ENTPD1: variants seen among roughly 807,000 people sequenced by gnomAD.
ENTPD1 encodes the protein ATP diphosphohydrolase.
ENTPD1 carries 33 observed loss-of-function variants against 57.0 expected under a neutral mutation model. That is an observed-to-expected ratio of 0.58 (90% CI 0.44 to 0.77). The LOEUF is 0.77. ENTPD1 is among the 30% of genes least tolerant of loss of function. The pLI is 0.00. For synonymous variants in ENTPD1, 202 were observed against 218.8 expected (o/e 0.92, Z 0.68); for missense variants, 501 against 603.4 (o/e 0.83, Z 1.78).
At chr10:95,817,609 C>T (rs1427327328) in intron 1 of ENTPD1, among the ~76,000 whole-genome samples, 1 of 152,230 alleles carries the variant, frequency 6.6e-6, no homozygotes, top group Non-Finnish European at 1.5e-5. Context: ...CTACTCTCCC[C>T]TCAGGGCCTT....
rs1436188217 is a variant in ENTPD1 at position 95,791,431 on chromosome 10, G to A, written c.17-31806G>A. On this transcript the variant is annotated intron_variant, in intron 1 of 9. Transcript: ENST00000371205. This position sits in a 1 kb window ranked among gnomAD's most constrained non-coding sequence, Gnocchi z 4.1. ...GGGTTTATATACTGGCAACCCATGA[G>A]GACTTGAAAAACAAATTTTTAATGA... Among the ~76,000 whole-genome samples the A allele has an allele frequency of 1.3e-5, 2 of 152,168 alleles. No homozygotes were observed. Among genetic ancestry groups the A allele is most frequent in the South Asian group, 2.1e-4 (1 of 4,832 alleles).
At chr10:95,863,253 C>A (rs181354109) in intron 8 of ENTPD1, among the ~76,000 whole-genome samples, 2 of 152,258 alleles carry the variant, frequency 1.3e-5, no homozygotes, top group Admixed American at 6.5e-5. Context: ...ATCTCCCAGC[C>A]CCCCACAAGG....
chr10:95,869,071 C>T lies in ENTPD1; in HGVS notation c.*2688C>T, dbSNP rs748367606. 7 of 985,046 alleles carry T rather than the reference C, an allele frequency of 7.1e-6. No homozygotes were observed. The highest frequency in any genetic ancestry group is 8.4e-6 in the Non-Finnish European group (7 of 829,886). 61.0% of individuals were successfully genotyped at this position (985,046 alleles called of 1,614,324 possible). Reference sequence around the variant, plus strand: ...TTAACTAATTTTAATATTGGATTGGCCATTGGTTATCACTGATTACCATTC... The same window carrying T: ...TTAACTAATTTTAATATTGGATTGGTCATTGGTTATCACTGATTACCATTC... On this transcript the variant is annotated 3_prime_UTR_variant, in exon 10 of 10. Transcript: ENST00000371205.
chr10:95,859,009 A>G (rs2098460577), intron 7 of ENTPD1, among the ~76,000 whole-genome samples: 1 of 152,202 alleles, frequency 6.6e-6, no homozygotes, highest in East Asian at 1.9e-4. Context: ...AGCATGGGAA[A>G]AATGGAAGGC....
intron 2 of ENTPD1, among the ~76,000 whole-genome samples, chr10:95,832,215 C>A (rs560701781): frequency 3.9e-5 from 6 of 152,220 alleles, no homozygotes; most frequent in African/African-American, 1.4e-4. Context: ...GGGAAGCAGA[C>A]CTCTGCCTCA....
At position 95,866,323 on chromosome 10, in the gene ENTPD1, G is replaced by T. The variant is rs764471540; in HGVS notation, c.1473G>T (p.Val491=). The part of the protein sequence containing the change: ...MVLFSLVLFT[V]AIIGLLIFHK... ...TATTCTCCCTGGTCCTTTTCACAGT[G>T]GCCATCATAGGCTTGCTTATCTTTC... The change falls in exon 10 of 10, where the codon GTG becomes GTT. Residue 491 remains valine, a synonymous_variant. Transcript: ENST00000371205. The T allele has an allele frequency of 6.2e-7, 1 of 1,614,014 alleles. No homozygotes were observed. Among genetic ancestry groups the T allele is most frequent in the Non-Finnish European group, 8.5e-7 (1 of 1,180,040 alleles).
chr10:95,755,814 C>G (rs2098020834), upstream of ENTPD1: 2 of 1,514,204 alleles, frequency 1.3e-6, no homozygotes, highest in East Asian at 2.5e-5. Flanking sequence ...TAAGGAATAG[C>G]TTTTTTTGCT....
intron 1 of ENTPD1, among the ~76,000 whole-genome samples, chr10:95,778,115 T>G (rs909765324): frequency 6.6e-6 from 1 of 152,168 alleles, no homozygotes; most frequent in Non-Finnish European, 1.5e-5. Flanking sequence ...TGAGGTGATG[T>G]CCCGCCCTGC....
At chr10:95,820,740 T>C (rs2098347395) in intron 1 of ENTPD1, among the ~76,000 whole-genome samples, 1 of 152,252 alleles carries the variant, frequency 6.6e-6, no homozygotes, top group Non-Finnish European at 1.5e-5. Flanking sequence ...GTTCCTTGGT[T>C]TGAATTTCTT....
At chr10:95,752,039 C>T (rs1364418657), upstream of ENTPD1, among the ~76,000 whole-genome samples, 1 of 152,066 alleles carries the variant, frequency 6.6e-6, no homozygotes, top group Non-Finnish European at 1.5e-5. Context: ...GAAAATCAGA[C>T]ATGAGGGGGG....
At chr10:95,752,114 A>G (rs1023919858), upstream of ENTPD1, among the ~76,000 whole-genome samples, 1 of 152,238 alleles carries the variant, frequency 6.6e-6, no homozygotes, top group Admixed American at 6.5e-5. Flanking sequence ...CCCATGCTAC[A>G]TAGATCCAAG....
Position 95,867,168 on chromosome 10 carries a change from G to A in ENTPD1, c.*785G>A. 1 of 985,406 alleles carries A rather than the reference G, an allele frequency of 1.0e-6. No individual in the cohort carries two copies. Among genetic ancestry groups the A allele is most frequent in the Non-Finnish European group, 1.2e-6 (1 of 829,928 alleles). The allele number at this position is 985,406 out of a possible 1,614,324, so 61.0% of individuals were successfully genotyped here. ...CAAATAAAAATACAGTTACAACTCA[G>A]GGTCACAAAAAATGCATCTTCCAAT... is the stretch of plus-strand genomic sequence containing the variant. On this transcript the variant is annotated 3_prime_UTR_variant, in exon 10 of 10. Transcript: ENST00000371205.
upstream of ENTPD1, among the ~76,000 whole-genome samples, chr10:95,753,048 A>G (rs1211682449): frequency 6.6e-6 from 1 of 152,208 alleles, no homozygotes; most frequent in Non-Finnish European, 1.5e-5. Flanking sequence ...AAAAATGAAA[A>G]TTCTACCATT....
chr10:95,721,827 C>T (rs575423328), intron 1 of ENTPD1, among the ~76,000 whole-genome samples: 4 of 152,104 alleles, frequency 2.6e-5, no homozygotes, highest in Non-Finnish European at 4.4e-5. Flanking sequence ...GGGTTAGTTA[C>T]GCTTACCAAG....
At chr10:95,703,478 A>C in the ENTPD1 span, among the ~76,000 whole-genome samples, 1 of 152,354 alleles carries the variant, frequency 6.6e-6, no homozygotes, top group South Asian at 2.1e-4. Context: ...TAAATCTGAA[A>C]TAGTATAAGA....
At chr10:95,808,132 C>T (rs975246206) in intron 1 of ENTPD1, among the ~76,000 whole-genome samples, 6 of 152,076 alleles carry the variant, frequency 3.9e-5, no homozygotes, top group Admixed American at 1.3e-4. Context: ...CATGAAGAGG[C>T]GTTGAATTTT....
intron 1 of ENTPD1, among the ~76,000 whole-genome samples, chr10:95,808,226 A>G (rs1414958393): frequency 6.6e-6 from 1 of 152,122 alleles, no homozygotes; most frequent in East Asian, 1.9e-4. Flanking sequence ...ACATTTATTG[A>G]TTTGCTTATG....
intron 8 of ENTPD1, chr10:95,861,217 A>G (rs2098464688): frequency 6.5e-6 from 1 of 153,504 alleles, no homozygotes; most frequent in Admixed American, 6.5e-5. Context: ...TCTGACACAG[A>G]CACAATTGTG....
intron 1 of ENTPD1, among the ~76,000 whole-genome samples, chr10:95,746,260 A>G (rs2098005942): frequency 6.6e-6 from 1 of 152,222 alleles, no homozygotes; most frequent in Non-Finnish European, 1.5e-5. Flanking sequence ...CCTATGTGCC[A>G]GAGTCTGTGT....
Sources: gnomAD v4.1 joint callset for allele counts (sites outside exome capture counted in the v4.1 genomes callset) on GRCh38, gnomAD v4.1.1 for gene constraint, Gnocchi (gnomAD v3.1) non-coding constraint, MANE v1.5 for transcripts, NCBI Gene and HGNC (gene_info 2026-07-23, HGNC 2026-07-21) for gene names.